The following CDH22 variants were observed in gnomAD, a reference collection of about 807,000 sequenced individuals.
CDH22 encodes the protein cadherin-22.
A neutral mutation model predicts 58.4 loss-of-function variants in CDH22; 30 were observed. That is an observed-to-expected ratio of 0.51 (90% CI 0.38 to 0.70). CDH22 has a LOEUF of 0.70. CDH22 is among the 30% of genes least tolerant of loss of function. The pLI, the probability that CDH22 is intolerant of heterozygous loss-of-function variation, is 0.00. For missense variants in CDH22, 1,014 were observed against 1,233.9 expected, an observed-to-expected ratio of 0.82 and a Z score of 2.67; for synonymous variants, 513 against 558.2, an observed-to-expected ratio of 0.92 and a Z score of 1.14.
At chr20:46,182,322 T>C (rs1414929025) in intron 10 of CDH22, among the ~76,000 whole-genome samples, 1 of 152,176 alleles carries the variant, frequency 6.6e-6, no homozygotes, top group African/African-American at 2.4e-5. Flanking sequence ...TGTGTTCTAG[T>C]TGAGGCAGCT....
chr20:46,202,825 T>G (rs1317500809), intron 7 of CDH22, among the ~76,000 whole-genome samples: 3 of 152,178 alleles, frequency 2.0e-5, no homozygotes, highest in Admixed American at 2.0e-4. Context: ...GAAAGAACTT[T>G]GGAGACCTCC....
chr20:46,212,715 G>A (rs1191512815), intron 6 of CDH22, among the ~76,000 whole-genome samples: 1 of 152,194 alleles, frequency 6.6e-6, no homozygotes, highest in Non-Finnish European at 1.5e-5. Flanking sequence ...GCAAGGATGT[G>A]AAGCACACGT....
rs11471209 is a variant in CDH22, at chr20:46,180,926, T to TTGTGTGTG, written c.1664-2737_1664-2730dup. ...TTTTTTTTAATTTTTAAAGTTTGTT[T>TTGTGTGTG]TGTGTGTGTGTGTGTGTGTGTGTGT... is the stretch of plus-strand genomic sequence containing the variant. On this transcript the variant is annotated intron_variant, in intron 10 of 11. Transcript: ENST00000537909. Among the ~76,000 whole-genome samples, 1,372 of 142,566 alleles carry TTGTGTGTG rather than the reference T, an allele frequency of 9.6e-3. 13 individuals carry two copies. Among genetic ancestry groups the TTGTGTGTG allele is most frequent in the East Asian group, 0.019 (90 of 4,826 alleles). 93.5% of individuals were successfully genotyped at this position (142,566 alleles called of 152,430 possible).
At chr20:46,206,852 C>G (rs2086005206) in intron 7 of CDH22, among the ~76,000 whole-genome samples, 1 of 152,244 alleles carries the variant, frequency 6.6e-6, no homozygotes. Flanking sequence ...GTGCCGGGCA[C>G]AACTCAATGC....
At chr20:46,214,999 A>G (rs1158717016) in intron 5 of CDH22, among the ~76,000 whole-genome samples, 1 of 152,276 alleles carries the variant, frequency 6.6e-6, no homozygotes, top group Non-Finnish European at 1.5e-5. Context: ...AGTTACCAGT[A>G]GACACTCACC....
At position 46,258,140 on chromosome 20, in the gene CDH22, T is replaced by A. The variant is rs562878793; in HGVS notation, c.-399-6447A>T. Among the ~76,000 whole-genome samples, 5 of 152,210 alleles carry A rather than the reference T, an allele frequency of 3.3e-5. No individual in the cohort carries two copies. The East Asian group carries it at 7.7e-4, about 24-fold the overall frequency. ...TTGGAGTTAGTGGGGCGGAGGTCAT[T>A]AGTGACCTTGCTGGCAGTGACTTGG... On this transcript the variant is annotated intron_variant, in intron 1 of 11. Coordinates refer to ENST00000537909, the MANE Select transcript of CDH22 (RefSeq NM_021248.3).
At chr20:46,179,586 A>G (rs1156543673) in intron 10 of CDH22, among the ~76,000 whole-genome samples, 1 of 152,218 alleles carries the variant, frequency 6.6e-6, no homozygotes, top group Admixed American at 6.5e-5. Flanking sequence ...GGTTCATTCC[A>G]TTAGCCTATC....
intron 1 of CDH22, among the ~76,000 whole-genome samples, chr20:46,285,490 G>T (rs1384320406): frequency 6.6e-6 from 1 of 152,182 alleles, no homozygotes; most frequent in Non-Finnish European, 1.5e-5. Context: ...TGGGTGGAGG[G>T]CAGGAATGTT....
intron 1 of CDH22, among the ~76,000 whole-genome samples, chr20:46,266,865 A>G (rs535920847): frequency 1.9e-4 from 29 of 150,916 alleles, no homozygotes; most frequent in Admixed American, 1.4e-3. Flanking sequence ...GGAGCCCCAG[A>G]TTCAGTAAGG....
chr20:46,250,757 G>T (rs1349202048), intron 2 of CDH22, among the ~76,000 whole-genome samples: 1 of 152,196 alleles, frequency 6.6e-6, no homozygotes, highest in Non-Finnish European at 1.5e-5. Context: ...GATCGGATTT[G>T]CAAACTCGTT....
intron 8 of CDH22, among the ~76,000 whole-genome samples, chr20:46,196,686 C>T (rs1250572566): frequency 1.3e-5 from 2 of 152,206 alleles, no homozygotes; most frequent in Non-Finnish European, 2.9e-5. Context: ...GGACAAATGA[C>T]TTCGCCTTGC....
intron 1 of CDH22, among the ~76,000 whole-genome samples, chr20:46,305,281 T>C (rs1222741507): frequency 6.6e-6 from 1 of 152,206 alleles, no homozygotes; most frequent in Non-Finnish European, 1.5e-5. Flanking sequence ...CTAGGCTTTC[T>C]CTAGAGAGGC....
At chr20:46,289,841 T>C (rs1057173868) in intron 1 of CDH22, among the ~76,000 whole-genome samples, 1 of 152,144 alleles carries the variant, frequency 6.6e-6, no homozygotes, top group African/African-American at 2.4e-5. Context: ...GATTAAAATT[T>C]AGGAGCTGGT....
chr20:46,236,674 T>A (rs1279004993), intron 3 of CDH22, among the ~76,000 whole-genome samples: 1 of 137,802 alleles, frequency 7.3e-6, no homozygotes, highest in East Asian at 2.0e-4. Flanking sequence ...TCTATCTATC[T>A]ATCTATCTAT....
At chr20:46,244,627 G>A (rs185997161) in intron 2 of CDH22, among the ~76,000 whole-genome samples, 51 of 152,278 alleles carry the variant, frequency 3.3e-4, no homozygotes, top group African/African-American at 1.1e-3. Context: ...GATGGCCCCC[G>A]GTCTGTTTGA....
intron 8 of CDH22, among the ~76,000 whole-genome samples, chr20:46,194,590 G>A (rs1448226299): frequency 6.6e-6 from 1 of 152,220 alleles, no homozygotes; most frequent in African/African-American, 2.4e-5. Flanking sequence ...AGCACCTACT[G>A]TGTGTCAGGC....
rs147275945 is a variant in CDH22 at position 46,186,926 on chromosome 20, C to G, written c.1445G>C (p.Arg482Pro). ...MEADNHAQLS[R>P]ASLRIRILDV... is the part of the protein sequence containing the mutation. Reference sequence around the variant, plus strand: ...CAGGATTCGGATCCTTAGGGATGCCCGGGATAGCTGTGCATGATTGTCTGT... The same window carrying G: ...CAGGATTCGGATCCTTAGGGATGCCGGGGATAGCTGTGCATGATTGTCTGT... Residue 482 changes from arginine (R) to proline (P), a missense_variant, in exon 9 of 12, where the codon CGG becomes CCG. Physicochemically the swap from Arg to Pro is moderately radical, Grantham distance 103. Around this residue, in one of 2 missense-constraint regions of CDH22, gnomAD observed 806 missense variants for 1,038.7 expected, o/e 0.78. Coordinates refer to ENST00000537909, the MANE Select transcript of CDH22 (RefSeq NM_021248.3). The G allele has an allele frequency of 1.2e-6, 2 of 1,605,028 alleles. No individual in the cohort carries two copies.
At position 46,186,862 on chromosome 20, in the gene CDH22, G is replaced by A. The variant is rs750004180; in HGVS notation, c.1509C>T (p.Tyr503=). 8.1e-6 allele frequency: 13 copies of A among 1,611,610 alleles called. No homozygotes were observed. The highest frequency in any genetic ancestry group is 4.4e-5 in the South Asian group (4 of 90,566). Residue 503 remains tyrosine, a synonymous_variant, in exon 9 of 12, where the codon TAC becomes TAT. Coordinates refer to ENST00000537909, the MANE Select transcript of CDH22 (RefSeq NM_021248.3). ...TGGCATCCTCGCATACAGCTGCCTC[G>A]TAGGGTGTGGCCAGTTCTGGGGGAT... is the stretch of plus-strand genomic sequence containing the variant. ...NDNPPELATP[Y]EAAVCEDAKP...
At chr20:46,192,793 G>GC (rs1451845382) in intron 8 of CDH22, among the ~76,000 whole-genome samples, 1 of 152,030 alleles carries the variant, frequency 6.6e-6, no homozygotes, top group Non-Finnish European at 1.5e-5. Context: ...CCAATTACAA[G>GC]CCCGCCAAGA....
Sources: gnomAD v4.1 joint callset for allele counts (sites outside exome capture counted in the v4.1 genomes callset) on GRCh38, gnomAD v4.1.1 for gene constraint, gnomAD v4.1.1 regional missense constraint, MANE v1.5 for transcripts, NCBI Gene and HGNC (gene_info 2026-07-23, HGNC 2026-07-21) for gene names.